SCMH1: variants seen among roughly 807,000 people sequenced by gnomAD.
SCMH1 encodes the protein polycomb protein SCMH1.
A neutral mutation model predicts 70.8 loss-of-function variants in SCMH1; 37 were observed. The ratio of observed to expected loss-of-function variants is 0.52; its 90% confidence interval spans 0.40 to 0.69. The LOEUF (loss-of-function observed/expected upper bound fraction) is 0.69. Among genes scored for constraint, SCMH1 ranks in the 30% least tolerant of loss-of-function variants. The pLI is 0.00. For missense variants in SCMH1, 607 were observed against 827.3 expected (o/e 0.73, Z 3.27); for synonymous variants, 292 against 307.4 (o/e 0.95, Z 0.52).
At chr1:41,044,732 G>A (rs1558401373) in intron 12 of SCMH1, among the ~76,000 whole-genome samples, 1 of 152,046 alleles carries the variant, frequency 6.6e-6, no homozygotes, top group Admixed American at 6.5e-5. Context: ...CTCTTAGTTG[G>A]TGAGGCAAGA....
chr1:41,127,554 T>G (rs1673520536), intron 6 of SCMH1, among the ~76,000 whole-genome samples: 1 of 152,210 alleles, frequency 6.6e-6, no homozygotes, highest in Non-Finnish European at 1.5e-5. Context: ...GGCTATTAAC[T>G]TATCCCAATG....
chr1:41,205,273 A>G (rs1448876801), intron 1 of SCMH1, among the ~76,000 whole-genome samples: 1 of 152,130 alleles, frequency 6.6e-6, no homozygotes, highest in African/African-American at 2.4e-5. Flanking sequence ...GGGTTGGGGG[A>G]TTTCCCTTTC....
At chr1:41,194,624 G>C (rs561506459) in intron 1 of SCMH1, among the ~76,000 whole-genome samples, 127 of 152,262 alleles carry the variant, frequency 8.3e-4, no homozygotes, top group Admixed American at 1.2e-3. Flanking sequence ...CTTTTGGATA[G>C]AGCTATAGGT....
At chr1:41,173,200 G>A (rs546744991) in intron 2 of SCMH1, among the ~76,000 whole-genome samples, 1 of 152,132 alleles carries the variant, frequency 6.6e-6, no homozygotes, top group South Asian at 2.1e-4. Flanking sequence ...AATCCAATAA[G>A]GGATTAATAT....
chr1:41,064,652 C>T (rs1184726553), intron 10 of SCMH1, among the ~76,000 whole-genome samples: 1 of 152,094 alleles, frequency 6.6e-6, no homozygotes, highest in Admixed American at 6.6e-5. Context: ...ACAATGGCTC[C>T]CTGTAATCCC....
intron 8 of SCMH1, among the ~76,000 whole-genome samples, chr1:41,089,787 CT>C (rs373229472): frequency 0.01 from 590 of 58,696 alleles, 6 homozygotes; most frequent in African/African-American, 0.032. Context: ...CATGTTGTCT[CT>C]TTTTTTTTTT....
At chr1:41,236,277 C>T (rs931454751) in intron 1 of SCMH1, among the ~76,000 whole-genome samples, 2 of 152,124 alleles carry the variant, frequency 1.3e-5, no homozygotes, top group Admixed American at 6.5e-5. Flanking sequence ...GTTATCTTCA[C>T]CTCTCTTCTT....
chr1:41,078,711 T>C (rs1056618399), intron 8 of SCMH1, among the ~76,000 whole-genome samples: 10 of 152,206 alleles, frequency 6.6e-5, no homozygotes, highest in Non-Finnish European at 1.3e-4. Context: ...GAAATAAAGG[T>C]AAAATAATGA....
At chr1:41,056,876 A>G (rs529249337) in intron 10 of SCMH1, among the ~76,000 whole-genome samples, 45 of 152,042 alleles carry the variant, frequency 3.0e-4, no homozygotes, top group Admixed American at 2.8e-3. Flanking sequence ...AAATACCCTC[A>G]TGCTTTTGGC....
At chr1:41,033,032 C>T (rs1644769932) in intron 13 of SCMH1, among the ~76,000 whole-genome samples, 1 of 151,246 alleles carries the variant, frequency 6.6e-6, no homozygotes, top group Non-Finnish European at 1.5e-5. Flanking sequence ...TGGCTCATGC[C>T]TATAATCCCA....
At chr1:41,054,612 C>T (rs539955057) in intron 10 of SCMH1, among the ~76,000 whole-genome samples, 1 of 152,338 alleles carries the variant, frequency 6.6e-6, no homozygotes, top group South Asian at 2.1e-4. Flanking sequence ...GCAAGCCTCA[C>T]AGATTCTTTG....
At position 41,113,102 on chromosome 1, in the gene SCMH1, T is replaced by TTAAG. The variant is rs1245907487; in HGVS notation, c.745+180_745+181insCTTA. Among the ~76,000 whole-genome samples, 2 of 152,236 alleles carry TTAAG rather than the reference T, an allele frequency of 1.3e-5. No individual in the cohort carries two copies. Among genetic ancestry groups the TTAAG allele is most frequent in the Non-Finnish European group, 2.9e-5 (2 of 68,038 alleles). Reference sequence around the variant, plus strand: ...TGCCATATGCGGTTTCATTTGACACTTAATACTTAACTGTTTCTAATTGCT... The same window carrying TTAAG: ...TGCCATATGCGGTTTCATTTGACACTTAAGTAATACTTAACTGTTTCTAATTGCT... On this transcript the variant is annotated intron_variant, in intron 8 of 14. Coordinates refer to ENST00000337495, the Ensembl canonical transcript of SCMH1. The surrounding 1 kb of genome is among the most constrained non-coding windows in gnomAD (Gnocchi z 4.3).
At chr1:41,146,355 T>A (rs1390321072) in intron 5 of SCMH1, among the ~76,000 whole-genome samples, 1 of 152,162 alleles carries the variant, frequency 6.6e-6, no homozygotes, top group East Asian at 1.9e-4. Context: ...GGTTAACTCT[T>A]TACTGAAGAA....
intron 1 of SCMH1, among the ~76,000 whole-genome samples, chr1:41,198,003 T>G (rs1653434506): frequency 1.3e-5 from 2 of 152,216 alleles, no homozygotes; most frequent in Non-Finnish European, 2.9e-5. Flanking sequence ...TCACTAGCTA[T>G]GTAAACTTGG....
intron 1 of SCMH1, among the ~76,000 whole-genome samples, chr1:41,206,501 G>A (rs775709891): frequency 1.2e-4 from 19 of 152,280 alleles, no homozygotes; most frequent in South Asian, 1.0e-3. Context: ...AGAGAAAAAA[G>A]AGTAAAAAGA....
Position 41,113,642 on chromosome 1 carries a change from T to C in SCMH1, c.502-116A>G. The C allele has an allele frequency of 1.1e-6, 1 of 913,220 alleles. No homozygotes were observed. The highest frequency in any genetic ancestry group is 3.0e-5 in the East Asian group (1 of 32,952). 56.6% of individuals were successfully genotyped at this position (913,220 alleles called of 1,614,324 possible). On this transcript the variant is annotated intron_variant, in intron 7 of 14. Coordinates refer to ENST00000337495, the Ensembl canonical transcript of SCMH1. This position sits in a 1 kb window ranked among gnomAD's most constrained non-coding sequence, Gnocchi z 4.3. ...ACTGCTACATGAGACTTATAATGGATATATAGCCTTTCTTTTAAATTAATT... is the reference window on the plus strand; with the variant it reads ...ACTGCTACATGAGACTTATAATGGACATATAGCCTTTCTTTTAAATTAATT...
At chr1:41,119,452 A>AC (rs1481610928) in intron 6 of SCMH1, among the ~76,000 whole-genome samples, 912 of 83,838 alleles carry the variant, frequency 0.011, 14 homozygotes, top group African/African-American at 0.076. Flanking sequence ...AAAAAAACAA[A>AC]AAAAAAAAAA....
intron 2 of SCMH1, among the ~76,000 whole-genome samples, chr1:41,182,401 A>G (rs1417393176): frequency 1.3e-5 from 2 of 152,220 alleles, no homozygotes; most frequent in Non-Finnish European, 2.9e-5. Flanking sequence ...AATGAACAAA[A>G]TAACAGTTAA....
At chr1:41,085,517 G>T (rs1004661366) in intron 8 of SCMH1, among the ~76,000 whole-genome samples, 1 of 152,102 alleles carries the variant, frequency 6.6e-6, no homozygotes, top group African/African-American at 2.4e-5. Flanking sequence ...ATTAACCAAA[G>T]TATTAAAGAT....
Sources: allele counts gnomAD v4.1 joint callset (sites outside exome capture counted in the v4.1 genomes callset), GRCh38; gene constraint gnomAD v4.1.1; non-coding constraint Gnocchi (gnomAD v3.1); transcripts MANE v1.5; gene names NCBI Gene and HGNC (gene_info 2026-07-23, HGNC 2026-07-21).